Variants in SLC4A5 observed in about 807,000 individuals in gnomAD.
The protein encoded by SLC4A5 is solute carrier family 4 member 5.
In SLC4A5, 96 loss-of-function variants were observed where a neutral mutation model predicts 120.4. That is an observed-to-expected ratio of 0.80 (90% CI 0.68 to 0.94). The LOEUF (loss-of-function observed/expected upper bound fraction) is 0.94. Ranked by LOEUF, SLC4A5 falls within the 40% of genes least tolerant of loss-of-function variation. The pLI is 0.00. For missense variants in SLC4A5, 1,259 were observed against 1,459.5 expected, an observed-to-expected ratio of 0.86 and a Z score of 2.24; for synonymous variants, 550 against 571.1, an observed-to-expected ratio of 0.96 and a Z score of 0.53.
intron 9 of SLC4A5, 110 bp downstream of exon 9, chr2:74,264,994 G>A: frequency 1.6e-6 from 2 of 1,225,120 alleles, no homozygotes; most frequent in Non-Finnish European, 2.3e-6. Flanking sequence ...TGCAGAATCA[G>A]GTGTCAGAGA....
intron 14 of SLC4A5, 48 bp downstream of exon 14, chr2:74,254,571 T>G: frequency 6.9e-7 from 1 of 1,448,846 alleles, no homozygotes; most frequent in Non-Finnish European, 9.7e-7. Flanking sequence ...CAGTGCTTGG[T>G]GCAGGAGCTG....
At chr2:74,254,753 G>A (rs1185343694) in intron 13 of SLC4A5, 47 bp from the exon 14 acceptor site, 1 of 1,355,994 alleles carries the variant, frequency 7.4e-7, no homozygotes, top group Non-Finnish European at 1.1e-6. Context: ...AGGAAGAGGA[G>A]CATGAAAGTG....
chr2:74,235,646 C>T (rs2103927547), intron 21 of SLC4A5, among the ~76,000 whole-genome samples: 1 of 152,278 alleles, frequency 6.6e-6, no homozygotes, highest in East Asian at 1.9e-4. Context: ...TTCCTACAAG[C>T]CTGTGACAGG....
Position 74,254,062 on chromosome 2 carries a change from C to T in SLC4A5, c.1113+557G>A, listed in dbSNP as rs1018150213. 5.3e-5 allele frequency among the ~76,000 whole-genome samples: 8 copies of T among 152,238 alleles called. 1 individual carries two copies. The South Asian group carries it at 8.3e-4, about 16-fold the overall frequency. On this transcript the variant is annotated intron_variant, in intron 14 of 30. Coordinates refer to ENST00000394019, the Ensembl canonical transcript of SLC4A5. ...GTTATCTCAGGGTAAAGCCTGCAGC[C>T]GCAAGCACCGCCAGTGAGTATTCTT...
At chr2:74,241,765 A>G (rs1200291063) in intron 20 of SLC4A5, among the ~76,000 whole-genome samples, 2 of 151,872 alleles carry the variant, frequency 1.3e-5, no homozygotes, top group African/African-American at 2.4e-5. Context: ...AAACGCACAA[A>G]AAAACATGGA....
chr2:74,323,335 C>T (rs187061447), intron 5 of SLC4A5, among the ~76,000 whole-genome samples: 282 of 152,240 alleles, frequency 1.9e-3, no homozygotes, highest in Non-Finnish European at 2.8e-3. Context: ...AACTACCAGT[C>T]CAGAGTAGGG....
intron 7 of SLC4A5, among the ~76,000 whole-genome samples, chr2:74,303,851 A>T (rs372107583): frequency 0.016 from 2,249 of 143,580 alleles, 11 homozygotes; most frequent in Middle Eastern, 0.021. Context: ...CATTATTATT[A>T]TTTTTTTTTT....
chr2:74,296,727 T>C (rs185023428), intron 7 of SLC4A5, among the ~76,000 whole-genome samples: 2,753 of 144,794 alleles, frequency 0.019, 33 homozygotes, highest in Middle Eastern at 0.029. Context: ...GCGGAGGTTG[T>C]AGTGAGCCGA....
Position 74,255,704 on chromosome 2 carries a change from C to T in SLC4A5, c.1025+71G>A. ...CTTTGAGAACACTAACAGTCAACAG[C>T]ACTGCTTGCTGACTGCACTGCTGAC... is the stretch of plus-strand genomic sequence containing the variant. On this transcript the variant is annotated intron_variant, in intron 13 of 30. Transcript: ENST00000394019. The surrounding 1 kb of genome is among the most constrained non-coding windows in gnomAD (Gnocchi z 4.0). 2 of 1,568,454 alleles carry T rather than the reference C, an allele frequency of 1.3e-6. No individual in the cohort carries two copies. The highest frequency in any genetic ancestry group is 1.1e-5 in the South Asian group (1 of 87,038).
chr2:74,338,156 T>C (rs1673539952), intron 3 of SLC4A5, among the ~76,000 whole-genome samples: 1 of 152,042 alleles, frequency 6.6e-6, no homozygotes, highest in South Asian at 2.1e-4. Flanking sequence ...CAGCTAAGGA[T>C]AATGGTGTGG....
intron 4 of SLC4A5, among the ~76,000 whole-genome samples, chr2:74,332,725 G>A (rs1053902469): frequency 6.6e-6 from 1 of 151,878 alleles, no homozygotes; most frequent in Non-Finnish European, 1.5e-5. Flanking sequence ...GTGTGTGTGT[G>A]CGTGTGTGTG....
intron 5 of SLC4A5, among the ~76,000 whole-genome samples, chr2:74,323,238 C>CA (rs977542137): frequency 1.1e-4 from 16 of 150,806 alleles, no homozygotes; most frequent in East Asian, 5.8e-4. Context: ...GACTCTGTCT[C>CA]AAAAAAAAGA....
At chr2:74,311,528 A>T (rs2104286403) in intron 6 of SLC4A5, among the ~76,000 whole-genome samples, 1 of 152,334 alleles carries the variant, frequency 6.6e-6, no homozygotes, top group African/African-American at 2.4e-5. Flanking sequence ...AAATATTTTT[A>T]AAATTTTCTT....
rs1261091403 is a variant in SLC4A5 at position 74,281,905 on chromosome 2, G to A, written c.401+3868C>T. 3.9e-5 allele frequency among the ~76,000 whole-genome samples: 6 copies of A among 152,202 alleles called. No individual in the cohort carries two copies. The East Asian group carries it at 1.2e-3, about 29-fold the overall frequency. The stretch of plus-strand genomic sequence containing the variant: ...GTGGACCATAACCGTCTTGGAGCCT[G>A]AGTGTCTGTGTGAGGGGCTGTCCCC... On this transcript the variant is annotated intron_variant, in intron 8 of 30. Transcript: ENST00000394019.
chr2:74,334,781 T>C (rs1424115894), intron 3 of SLC4A5, among the ~76,000 whole-genome samples: 1 of 152,096 alleles, frequency 6.6e-6, no homozygotes, highest in Non-Finnish European at 1.5e-5. Flanking sequence ...ATGCGAATAA[T>C]AATTATATCT....
At chr2:74,273,577 A>T (rs1671542076) in intron 8 of SLC4A5, among the ~76,000 whole-genome samples, 1 of 152,218 alleles carries the variant, frequency 6.6e-6, no homozygotes. Context: ...GCATCAAGAC[A>T]TGTTTGTGCT....
intron 7 of SLC4A5, among the ~76,000 whole-genome samples, chr2:74,304,110 A>G (rs1672560679): frequency 6.6e-6 from 1 of 152,088 alleles, no homozygotes; most frequent in African/African-American, 2.4e-5. Flanking sequence ...CGGCCTCCCA[A>G]AGTGCTGGGA....
chr2:74,264,318 C>T lies in SLC4A5; in HGVS notation c.563-19G>A, dbSNP rs764757411. ...ACATCATCTGTGTGGAAAACATACACACCTCATCCCTGTGGGACAGAACAG... is the reference window on the plus strand; with the variant it reads ...ACATCATCTGTGTGGAAAACATACATACCTCATCCCTGTGGGACAGAACAG... On this transcript the variant is annotated intron_variant, in intron 9 of 30. Transcript: ENST00000394019. 3 of 1,609,564 alleles carry T rather than the reference C, an allele frequency of 1.9e-6. No homozygotes were observed. Among genetic ancestry groups the T allele is most frequent in the Non-Finnish European group, 2.5e-6 (3 of 1,177,560 alleles).
chr2:74,292,139 A>G (rs779482661), intron 7 of SLC4A5, among the ~76,000 whole-genome samples: 35 of 152,156 alleles, frequency 2.3e-4, no homozygotes, highest in Admixed American at 4.6e-4. Context: ...TGTGGCAGGG[A>G]TTCAATGAGA....
Sources: allele counts gnomAD v4.1 joint callset (sites outside exome capture counted in the v4.1 genomes callset), GRCh38; gene constraint gnomAD v4.1.1; non-coding constraint Gnocchi (gnomAD v3.1); transcripts MANE v1.5; gene names NCBI Gene and HGNC (gene_info 2026-07-23, HGNC 2026-07-21).